Variants in PCDHGA4 observed in about 807,000 individuals in gnomAD.
The protein encoded by PCDHGA4 is protocadherin gamma subfamily A, 4.
In PCDHGA4, 38 loss-of-function variants were observed where a neutral mutation model predicts 54.6. The observed-to-expected ratio is 0.70, with a 90% CI of 0.54 to 0.91. The LOEUF (loss-of-function observed/expected upper bound fraction) is 0.91, where lower values mean the gene tolerates loss of function less well. PCDHGA4 is among the 40% of genes least tolerant of loss of function. The pLI is 0.00. For missense variants in PCDHGA4, 1,298 were observed against 1,220.9 expected (o/e 1.06, Z -0.94); for synonymous variants, 511 against 512.9 (o/e 1.00, Z 0.05).
intron 2 of PCDHGA4, among the ~76,000 whole-genome samples, chr5:141,499,209 C>G (rs1171702973): frequency 6.6e-6 from 1 of 152,096 alleles, no homozygotes; most frequent in Admixed American, 6.5e-5. Context: ...GGCTGTAACC[C>G]AGGCCCTGCC....
At chr5:141,410,705 A>G (rs1462423983) in intron 1 of PCDHGA4, 1 of 1,460,780 alleles carries the variant, frequency 6.8e-7, no homozygotes, top group Non-Finnish European at 9.1e-7. Context: ...TTTCATATCT[A>G]GAATCATATG....
chr5:141,436,487 A>G (rs2097826897), intron 1 of PCDHGA4, among the ~76,000 whole-genome samples: 2 of 152,196 alleles, frequency 1.3e-5, no homozygotes, highest in Non-Finnish European at 2.9e-5. Context: ...GAAGGATAGC[A>G]GCTTTGCAAT....
chr5:141,389,343 T>TACTG, intron 1 of PCDHGA4: 1 of 1,613,992 alleles, frequency 6.2e-7, no homozygotes, highest in Non-Finnish European at 8.5e-7. Flanking sequence ...CCAAGTCTCT[T>TACTG]ACTGCATCAT....
chr5:141,355,915 G>A lies in PCDHGA4; in HGVS notation c.808G>A (p.Ala270Thr), dbSNP rs1239960767. 3.1e-6 allele frequency: 5 copies of A among 1,613,748 alleles called. No individual in the cohort carries two copies. Among genetic ancestry groups the A allele is most frequent in the Non-Finnish European group, 4.2e-6 (5 of 1,179,830 alleles). The part of the protein sequence containing the change: ...LIILVDTNDN[A>T]PVFTQPEYHV... The stretch of plus-strand genomic sequence containing the variant: ...AATACTTGTGGATACCAACGATAAT[G>A]CTCCCGTGTTCACTCAGCCCGAGTA... The change falls in exon 1 of 4, where the codon GCT (alanine) becomes ACT (threonine). Residue 270 changes from alanine (A) to threonine (T), a missense_variant. Ala to Thr is a moderately conservative substitution (Grantham distance 58). Transcript: ENST00000571252.
Position 141,487,931 on chromosome 5 carries a change from G to A in PCDHGA4, c.2515-6876G>A. The stretch of plus-strand genomic sequence containing the variant: ...AGCACAGGAGGCTACAGTGCACAGG[G>A]TACAGTGCACCAGGCAGTCACTTGG... On this transcript the variant is annotated intron_variant, in intron 1 of 3. Transcript: ENST00000571252. The surrounding 1 kb of genome is among the most constrained non-coding windows in gnomAD (Gnocchi z 5.0). The A allele has an allele frequency of 1.6e-6, 1 of 612,954 alleles. No homozygotes were observed. The highest frequency in any genetic ancestry group is 2.8e-6 in the Non-Finnish European group (1 of 351,318). 38.0% of individuals were successfully genotyped at this position (612,954 alleles called of 1,614,324 possible). A position where few individuals can be genotyped will look rare whatever the true frequency, so the allele number is the denominator to read the frequency against.
intron 1 of PCDHGA4, among the ~76,000 whole-genome samples, chr5:141,401,128 G>C (rs1271194736): frequency 6.6e-6 from 1 of 152,166 alleles, no homozygotes; most frequent in African/African-American, 2.4e-5. Context: ...TGGATCACAT[G>C]GTCAGGAGTT....
chr5:141,487,920 C>G lies in PCDHGA4; in HGVS notation c.2515-6887C>G, dbSNP rs561819225. On this transcript the variant is annotated intron_variant, in intron 1 of 3. Coordinates refer to ENST00000571252, the MANE Select transcript of PCDHGA4 (RefSeq NM_018917.4). This position sits in a 1 kb window ranked among gnomAD's most constrained non-coding sequence, Gnocchi z 5.0. ...TGGAATGTGGGAGCACAGGAGGCTA[C>G]AGTGCACAGGGTACAGTGCACCAGG... The G allele has an allele frequency of 4.7e-6, 3 of 644,662 alleles. No individual in the cohort carries two copies. The Admixed American group carries it at 8.5e-5, about 18-fold the overall frequency. 39.9% of individuals were successfully genotyped at this position (644,662 alleles called of 1,614,324 possible).
intron 3 of PCDHGA4, among the ~76,000 whole-genome samples, chr5:141,507,777 CT>C (rs1213538221): frequency 6.6e-6 from 1 of 152,220 alleles, no homozygotes; most frequent in Admixed American, 6.5e-5. Context: ...CACACAGGGC[CT>C]GACCCTCGTC....
At chr5:141,424,668 A>G (rs1561816018) in intron 1 of PCDHGA4, 1 of 152,196 alleles carries the variant, frequency 6.6e-6, no homozygotes, top group Non-Finnish European at 1.5e-5. Flanking sequence ...AATTAAACTG[A>G]TTTAGCTAGT....
chr5:141,410,164 C>G (rs756470415), intron 1 of PCDHGA4: 8 of 1,613,642 alleles, frequency 5.0e-6, no homozygotes, highest in South Asian at 2.2e-5. Context: ...AGCCGCCACT[C>G]TCTGCCACCG....
In PCDHGA4 at chr5:141,355,403, C is replaced by T. The variant is rs762232178; in HGVS notation, c.296C>T (p.Ser99Phe). 8 of 1,613,938 alleles carry T rather than the reference C, an allele frequency of 5.0e-6. No individual in the cohort carries two copies. The highest frequency in any genetic ancestry group is 6.8e-6 in the Non-Finnish European group (8 of 1,179,932). The change falls in exon 1 of 4, where the codon TCC (serine) becomes TTC (phenylalanine). Residue 99 changes from serine (S) to phenylalanine (F), a missense_variant. Transcript: ENST00000571252. ...GCGGAGCGCGGAGTCCGCATCGTCT[C>T]CAGAGGTAGGACGCAGCTTTTCGCC... is the stretch of plus-strand genomic sequence containing the variant. ...ELAERGVRIV[S>F]RGRTQLFALN...
rs776047060 is a variant in PCDHGA4, at chr5:141,393,622, A to T, written c.2514+36001A>T. The T allele has an allele frequency of 1.9e-6, 3 of 1,613,960 alleles. No individual in the cohort carries two copies. The Admixed American group carries it at 5.0e-5, about 27-fold the overall frequency. ...CTTACTGTAACAGCCAGCGACCCGG[A>T]TGAGGGAATCAACGGAAAAGTGGCA... On this transcript the variant is annotated intron_variant, in intron 1 of 3. Coordinates refer to ENST00000571252, the MANE Select transcript of PCDHGA4 (RefSeq NM_018917.4).
rs151293422 is a variant in PCDHGA4, at chr5:141,487,556, A to G, written c.2515-7251A>G. ...GATGGTGAAGTCACCCAGTGCACCT[A>G]TGGCAGGGGAGCCTGTTCGCCCAAG... On this transcript the variant is annotated intron_variant, in intron 1 of 3. Coordinates refer to ENST00000571252, the MANE Select transcript of PCDHGA4 (RefSeq NM_018917.4). This position sits in a 1 kb window ranked among gnomAD's most constrained non-coding sequence, Gnocchi z 5.0. 2,837 of 1,614,100 alleles carry G rather than the reference A, an allele frequency of 1.8e-3. 31 individuals are homozygous for G. The highest frequency in any genetic ancestry group is 1.2e-3 in the South Asian group (105 of 91,084).
chr5:141,408,287 C>G (rs2095075582), intron 1 of PCDHGA4: 1 of 1,613,354 alleles, frequency 6.2e-7, no homozygotes, highest in African/African-American at 1.3e-5. Flanking sequence ...CTACCCCACC[C>G]TGAGTGAGCC....
At chr5:141,388,579 T>A (rs113550354) in intron 1 of PCDHGA4, 7 of 1,613,908 alleles carry the variant, frequency 4.3e-6, no homozygotes, top group Non-Finnish European at 5.1e-6. Flanking sequence ...CACGTTCTAG[T>A]GACTGATGCC....
Position 141,491,279 on chromosome 5 carries a change from T to G in PCDHGA4, c.2515-3528T>G. 1 of 1,614,110 alleles carries G rather than the reference T, an allele frequency of 6.2e-7. No individual in the cohort carries two copies. The highest frequency in any genetic ancestry group is 2.2e-5 in the East Asian group (1 of 44,878). ...GAGGAAATGCCCAAATCCAGTGACT[T>G]CCTCATACACCCTCCTGAGCGTTCA... On this transcript the variant is annotated intron_variant, in intron 1 of 3. Transcript: ENST00000571252. The surrounding 1 kb of genome is among the most constrained non-coding windows in gnomAD (Gnocchi z 6.9).
At chr5:141,423,139 G>T (rs2096713828) in intron 1 of PCDHGA4, 4 of 1,613,498 alleles carry the variant, frequency 2.5e-6, no homozygotes, top group Non-Finnish European at 3.4e-6. Flanking sequence ...GGACAGAGAC[G>T]CGCTCAAGCA....
At chr5:141,508,124 G>C (rs1248096612) in intron 3 of PCDHGA4, 1 of 152,640 alleles carries the variant, frequency 6.6e-6, no homozygotes, top group Non-Finnish European at 1.5e-5. Flanking sequence ...AGGACAGAGG[G>C]AGGTCAGGGA....
At chr5:141,362,644 T>G in intron 1 of PCDHGA4, 2 of 1,454,150 alleles carry the variant, frequency 1.4e-6, no homozygotes, top group Non-Finnish European at 1.8e-6. Flanking sequence ...TCTTTGTCTG[T>G]GAGTTAGATT....
Sources: gnomAD v4.1 joint callset for allele counts (sites outside exome capture counted in the v4.1 genomes callset) on GRCh38, gnomAD v4.1.1 for gene constraint, Gnocchi (gnomAD v3.1) non-coding constraint, MANE v1.5 for transcripts, NCBI Gene and HGNC (gene_info 2026-07-23, HGNC 2026-07-21) for gene names.